Variants in SLC4A10 observed in about 807,000 individuals in gnomAD.
The protein encoded by SLC4A10 is sodium-driven chloride bicarbonate exchanger.
A neutral mutation model predicts 137.7 loss-of-function variants in SLC4A10; 42 were observed. The observed-to-expected ratio is 0.30, with a 90% CI of 0.24 to 0.39. The LOEUF (loss-of-function observed/expected upper bound fraction) is 0.39. Among genes scored for constraint, SLC4A10 ranks in the 10% least tolerant of loss-of-function variants. The pLI is 1.00. For missense variants in SLC4A10, 925 were observed against 1,355.0 expected (o/e 0.68, Z 4.98); for synonymous variants, 474 against 464.1 (o/e 1.02, Z -0.27).
Position 161,947,555 on chromosome 2 carries a change from TC to T in SLC4A10, c.2104-9del, listed in dbSNP as rs1694053151. Reference sequence around the variant, plus strand: ...TCTTAGTAGCTCCATTTGTTTTACTTCCTCTGGCAGGAATGCAAATCATTGC... The same window carrying T: ...TCTTAGTAGCTCCATTTGTTTTACTTCTCTGGCAGGAATGCAAATCATTGC... On this transcript the variant is annotated splice_polypyrimidine_tract_variant and intron_variant, in intron 16 of 26. Coordinates refer to ENST00000446997, the MANE Select transcript of SLC4A10 (RefSeq NM_001178015.2). The T allele has an allele frequency of 6.2e-7, 1 of 1,605,990 alleles. No homozygotes were observed.
intron 1 of SLC4A10, among the ~76,000 whole-genome samples, chr2:161,693,464 C>T (rs1042805495): frequency 6.6e-6 from 1 of 151,960 alleles, no homozygotes; most frequent in South Asian, 2.1e-4. Context: ...GCCAACTGTG[C>T]TCATAACAAG....
intron 4 of SLC4A10, among the ~76,000 whole-genome samples, chr2:161,843,709 T>G (rs1196392429): frequency 1.3e-5 from 2 of 152,180 alleles, no homozygotes; most frequent in Non-Finnish European, 2.9e-5. Context: ...TCACATGCAA[T>G]TTAATTCTAG....
At chr2:161,929,693 C>T (rs1689963560) in intron 15 of SLC4A10, among the ~76,000 whole-genome samples, 1 of 152,066 alleles carries the variant, frequency 6.6e-6, no homozygotes, top group African/African-American at 2.4e-5. Context: ...TTGGGCCCTC[C>T]CCTTACTGTG....
At chr2:161,905,979 A>G in intron 15 of SLC4A10, 92 bp downstream of exon 15, 1 of 1,452,574 alleles carries the variant, frequency 6.9e-7, no homozygotes, top group Non-Finnish European at 9.2e-7. Context: ...CTCAGCAGAG[A>G]ATGTGCCTTA....
intron 19 of SLC4A10, among the ~76,000 whole-genome samples, chr2:161,954,867 A>C (rs1188572101): frequency 6.6e-6 from 1 of 152,198 alleles, no homozygotes; most frequent in African/African-American, 2.4e-5. Flanking sequence ...ATATTTTTAA[A>C]ACATTCAATA....
chr2:161,943,510 A>T (rs1276046091), intron 16 of SLC4A10, among the ~76,000 whole-genome samples: 1 of 151,598 alleles, frequency 6.6e-6, no homozygotes, highest in Non-Finnish European at 1.5e-5. Context: ...CTACTTTGTG[A>T]TTTCTTTTTT....
At chr2:161,829,369 A>G (rs905496165) in intron 3 of SLC4A10, among the ~76,000 whole-genome samples, 1 of 152,184 alleles carries the variant, frequency 6.6e-6, no homozygotes, top group African/African-American at 2.4e-5. Context: ...CAGGCTGAAG[A>G]CGGCAGTATG....
intron 1 of SLC4A10, among the ~76,000 whole-genome samples, chr2:161,769,125 G>C (rs540861125): frequency 6.6e-6 from 1 of 151,600 alleles, no homozygotes; most frequent in East Asian, 1.9e-4. Flanking sequence ...CATTTTTTTG[G>C]TTCTTGTTTT....
chr2:161,736,941 G>A (rs1178326048), intron 1 of SLC4A10, among the ~76,000 whole-genome samples: 2 of 152,044 alleles, frequency 1.3e-5, no homozygotes, highest in African/African-American at 4.8e-5. Flanking sequence ...GTTCACTACA[G>A]CCTTGACCTC....
At chr2:161,728,974 A>G (rs1407678413) in intron 1 of SLC4A10, among the ~76,000 whole-genome samples, 2 of 152,188 alleles carry the variant, frequency 1.3e-5, no homozygotes. Flanking sequence ...TTGAGGCAGA[A>G]AATGCATTTG....
At chr2:161,956,890 G>A in intron 19 of SLC4A10, 99 bp from the exon 20 acceptor site, 1 of 1,300,606 alleles carries the variant, frequency 7.7e-7, no homozygotes, top group African/African-American at 1.5e-5. Context: ...TGAAGGGCTT[G>A]TTGAGTATCA....
chr2:161,853,892 A>C (rs967864979), intron 4 of SLC4A10, among the ~76,000 whole-genome samples: 1 of 152,154 alleles, frequency 6.6e-6, no homozygotes, highest in South Asian at 2.1e-4. Flanking sequence ...ACTACTCTGC[A>C]CATTAATCAT....
At chr2:161,878,711 G>C (rs2061578216) in intron 8 of SLC4A10, among the ~76,000 whole-genome samples, 1 of 151,990 alleles carries the variant, frequency 6.6e-6, no homozygotes, top group African/African-American at 2.4e-5. Flanking sequence ...TATTTCTTTT[G>C]ACATAAGCAT....
At chr2:161,820,075 A>G (rs1355948995) in intron 3 of SLC4A10, among the ~76,000 whole-genome samples, 2 of 151,806 alleles carry the variant, frequency 1.3e-5, no homozygotes, top group African/African-American at 4.9e-5. Context: ...GATACAGACT[A>G]TTAAACACAT....
At chr2:161,757,244 C>A (rs1181471124) in intron 1 of SLC4A10, among the ~76,000 whole-genome samples, 1 of 152,096 alleles carries the variant, frequency 6.6e-6, no homozygotes, top group East Asian at 1.9e-4. Context: ...CCCATGTACC[C>A]TCTATATCTA....
intron 2 of SLC4A10, among the ~76,000 whole-genome samples, chr2:161,799,926 TCTC>T (rs1242229438): frequency 6.6e-6 from 1 of 151,992 alleles, no homozygotes; most frequent in Non-Finnish European, 1.5e-5. Context: ...TAAATGGTCT[TCTC>T]CTGTCTTCTC....
intron 20 of SLC4A10, among the ~76,000 whole-genome samples, chr2:161,957,759 A>C (rs1695924091): frequency 6.6e-6 from 1 of 152,140 alleles, no homozygotes; most frequent in Non-Finnish European, 1.5e-5. Flanking sequence ...TTTTCACACA[A>C]AACTTGAAAT....
chr2:161,758,461 T>C (rs1050105790), intron 1 of SLC4A10, among the ~76,000 whole-genome samples: 13 of 152,002 alleles, frequency 8.6e-5, no homozygotes, highest in African/African-American at 3.1e-4. Flanking sequence ...TCAAATATTA[T>C]TTTATTATTT....
At chr2:161,715,685 G>A (rs2044783103) in intron 1 of SLC4A10, among the ~76,000 whole-genome samples, 1 of 151,928 alleles carries the variant, frequency 6.6e-6, no homozygotes. Context: ...TCCTTTCTAT[G>A]GCCACATAGT....
Sources: allele counts gnomAD v4.1 joint callset (sites outside exome capture counted in the v4.1 genomes callset), GRCh38; gene constraint gnomAD v4.1.1; transcripts MANE v1.5; gene names NCBI Gene and HGNC (gene_info 2026-07-23, HGNC 2026-07-21).